The following RAB31 variants were observed in gnomAD, a reference collection of about 807,000 sequenced individuals.
RAB31 encodes RAB31, member RAS oncogene family, also known as ras-related protein Rab-31.
A neutral mutation model predicts 25.6 loss-of-function variants in RAB31; 21 were observed. The observed-to-expected ratio is 0.82, with a 90% CI of 0.58 to 1.18. The LOEUF (loss-of-function observed/expected upper bound fraction) is 1.18, where lower values mean the gene tolerates loss of function less well. Ranked by LOEUF, RAB31 falls within the 50% of genes most tolerant of loss-of-function variation. The probability of loss-of-function intolerance (pLI) is 0.00; values close to 1 mark genes in which losing one functional copy is unlikely to be tolerated. For synonymous variants in RAB31, 87 were observed against 84.0 expected, an observed-to-expected ratio of 1.04 and a Z score of -0.20; for missense variants, 196 against 250.1, an observed-to-expected ratio of 0.78 and a Z score of 1.46.
At chr18:9,721,309 G>A (rs1276558003) in intron 1 of RAB31, among the ~76,000 whole-genome samples, 1 of 152,148 alleles carries the variant, frequency 6.6e-6, no homozygotes, top group Non-Finnish European at 1.5e-5. Context: ...TGTAGAGTTA[G>A]TATACAAATA....
rs185500563 is a variant in RAB31, at chr18:9,728,773, C to T, written c.39+20329C>T. On this transcript the variant is annotated intron_variant, in intron 1 of 6. Transcript: ENST00000578921. ...GGCTGGTCTCGAACTCCTGACCTCA[C>T]GTGATGCACCCCTCCTTGGCTTCGC... Among the ~76,000 whole-genome samples, 5 of 152,188 alleles carry T rather than the reference C, an allele frequency of 3.3e-5. No homozygotes were observed. The East Asian group carries it at 9.7e-4, about 29-fold the overall frequency.
At chr18:9,846,780 G>T (rs556157127) in intron 6 of RAB31, among the ~76,000 whole-genome samples, 1 of 152,292 alleles carries the variant, frequency 6.6e-6, no homozygotes, top group South Asian at 2.1e-4. Context: ...GGAATCTTTT[G>T]TTTATGTTGG....
chr18:9,758,342 G>A (rs1292720461), intron 1 of RAB31, among the ~76,000 whole-genome samples: 2 of 152,088 alleles, frequency 1.3e-5, no homozygotes, highest in African/African-American at 4.8e-5. Flanking sequence ...ATGTTCATGG[G>A]GAGGTGCTGG....
intron 5 of RAB31, among the ~76,000 whole-genome samples, chr18:9,828,299 C>T (rs1342333525): frequency 6.6e-6 from 1 of 152,160 alleles, no homozygotes; most frequent in Non-Finnish European, 1.5e-5. Context: ...CATTGCCAGG[C>T]AGTCAGAACA....
chr18:9,729,909 A>AAGAGTACT (rs2068114211), intron 1 of RAB31, among the ~76,000 whole-genome samples: 1 of 152,206 alleles, frequency 6.6e-6, no homozygotes, highest in African/African-American at 2.4e-5. Flanking sequence ...TACTTCTCAC[A>AAGAGTACT]CACTGCATTC....
intron 1 of RAB31, among the ~76,000 whole-genome samples, chr18:9,771,003 A>G (rs1279452018): frequency 2.6e-5 from 4 of 152,054 alleles, no homozygotes; most frequent in South Asian, 4.2e-4. Context: ...CTCTGCAAAA[A>G]AACCCCTAAC....
At position 9,738,366 on chromosome 18, in the gene RAB31, G is replaced by T. The variant is rs566420921; in HGVS notation, c.39+29922G>T. On this transcript the variant is annotated intron_variant, in intron 1 of 6. Transcript: ENST00000578921. ...GGAAAGACCAAGGCAAGATGGGAGG[G>T]TTGGGACTTTTAGCCCCACCACCAA... Among the ~76,000 whole-genome samples the T allele has an allele frequency of 3.3e-5, 5 of 152,300 alleles. No homozygotes were observed. In the South Asian group the frequency reaches 1.0e-3, roughly 32 times the overall value.
At chr18:9,729,907 A>AT (rs2068114180) in intron 1 of RAB31, among the ~76,000 whole-genome samples, 1 of 152,178 alleles carries the variant, frequency 6.6e-6, no homozygotes, top group African/African-American at 2.4e-5. Flanking sequence ...TGTACTTCTC[A>AT]CACACTGCAT....
chr18:9,827,007 A>G (rs1460460782), intron 5 of RAB31, among the ~76,000 whole-genome samples: 1 of 152,002 alleles, frequency 6.6e-6, no homozygotes, highest in Non-Finnish European at 1.5e-5. Flanking sequence ...AATTACTCCA[A>G]CCCCATACAT....
At chr18:9,726,635 T>C (rs2068097428) in intron 1 of RAB31, among the ~76,000 whole-genome samples, 1 of 152,194 alleles carries the variant, frequency 6.6e-6, no homozygotes, top group Non-Finnish European at 1.5e-5. Flanking sequence ...TGAGCTGTTC[T>C]CTTTATATAC....
intron 2 of RAB31, among the ~76,000 whole-genome samples, chr18:9,777,042 T>C (rs1394829685): frequency 1.3e-5 from 2 of 151,976 alleles, no homozygotes; most frequent in Non-Finnish European, 2.9e-5. Context: ...TATTGCAAAA[T>C]TTAAAAAAAT....
intron 1 of RAB31, among the ~76,000 whole-genome samples, chr18:9,724,078 C>T (rs188967688): frequency 3.1e-4 from 47 of 151,380 alleles, no homozygotes; most frequent in Admixed American, 2.0e-4. Flanking sequence ...GAGACCATCC[C>T]GGCTAAAACG....
At chr18:9,767,483 G>C (rs570169865) in intron 1 of RAB31, among the ~76,000 whole-genome samples, 1 of 152,340 alleles carries the variant, frequency 6.6e-6, no homozygotes, top group East Asian at 1.9e-4. Context: ...GGAGTCAGTA[G>C]GAGTATGGTG....
chr18:9,813,523 A>G (rs906236826), intron 3 of RAB31, among the ~76,000 whole-genome samples: 2 of 152,146 alleles, frequency 1.3e-5, no homozygotes, highest in African/African-American at 4.8e-5. Context: ...ACAAGCATAC[A>G]TATGTGTTGA....
At chr18:9,742,499 C>T (rs1238941455) in intron 1 of RAB31, among the ~76,000 whole-genome samples, 7 of 152,186 alleles carry the variant, frequency 4.6e-5, no homozygotes, top group African/African-American at 1.2e-4. Context: ...CCTGTTTCCA[C>T]GCTAGGGACG....
At chr18:9,809,303 C>T (rs967661682) in intron 3 of RAB31, among the ~76,000 whole-genome samples, 2 of 110,336 alleles carry the variant, frequency 1.8e-5, no homozygotes, top group African/African-American at 5.5e-5. Context: ...TCTTTGAGTC[C>T]AGTTCTCTTC....
At chr18:9,733,727 C>T (rs1351625398) in intron 1 of RAB31, among the ~76,000 whole-genome samples, 2 of 152,088 alleles carry the variant, frequency 1.3e-5, no homozygotes, top group Non-Finnish European at 2.9e-5. Context: ...GCTCAGACAC[C>T]ACCTGCAGCC....
At chr18:9,756,896 A>G (rs1016857663) in intron 1 of RAB31, among the ~76,000 whole-genome samples, 2 of 152,204 alleles carry the variant, frequency 1.3e-5, no homozygotes, top group Non-Finnish European at 2.9e-5. Context: ...TCCCTAACGA[A>G]GTAACTGATG....
chr18:9,724,524 C>T (rs568062849), intron 1 of RAB31, among the ~76,000 whole-genome samples: 1 of 152,184 alleles, frequency 6.6e-6, no homozygotes, highest in East Asian at 1.9e-4. Flanking sequence ...TTGGCTTCTT[C>T]CTTATTAAAA....
Sources: allele counts gnomAD v4.1 joint callset (sites outside exome capture counted in the v4.1 genomes callset), GRCh38; gene constraint gnomAD v4.1.1; transcripts MANE v1.5; gene names NCBI Gene and HGNC (gene_info 2026-07-23, HGNC 2026-07-21).